The following ANK1 variants were observed in gnomAD, a reference collection of about 807,000 sequenced individuals.
The protein encoded by ANK1 is ankyrin-1.
Under a neutral mutation model 210.4 loss-of-function variants are expected in ANK1, and 51 were observed. The observed-to-expected ratio is 0.24, with a 90% CI of 0.19 to 0.31. The LOEUF (loss-of-function observed/expected upper bound fraction) is 0.31, where lower values mean the gene tolerates loss of function less well. Among genes scored for constraint, ANK1 ranks in the 10% least tolerant of loss-of-function variants. The pLI is 1.00. For missense variants in ANK1, 2,051 were observed against 2,504.4 expected (o/e 0.82, Z 3.86); for synonymous variants, 967 against 1,025.9 (o/e 0.94, Z 1.10).
intron 11 of ANK1, 49 bp downstream of exon 11, chr8:41,718,057 C>CG: frequency 6.4e-7 from 1 of 1,565,102 alleles, no homozygotes; most frequent in Non-Finnish European, 8.8e-7. Flanking sequence ...GAAGGTGGGT[C>CG]GGGGGAGACC....
Position 41,763,881 on chromosome 8 carries a change from C to CTTTT in ANK1, c.28-5748_28-5745dup, listed in dbSNP as rs1554605131. 2.4e-3 allele frequency among the ~76,000 whole-genome samples: 174 copies of CTTTT among 72,006 alleles called. 7 individuals are homozygous for CTTTT. Among genetic ancestry groups the CTTTT allele is most frequent in the Middle Eastern group, 8.5e-3 (1 of 118 alleles). The allele number at this position is 72,006 out of a possible 152,430, so 47.2% of individuals were successfully genotyped here. On this transcript the variant is annotated intron_variant, in intron 1 of 42. Coordinates refer to ENST00000289734, the MANE Select transcript of ANK1 (RefSeq NM_000037.4). The stretch of plus-strand genomic sequence containing the variant: ...TTCTTTCTTTCTTCTTTCTTTTTTT[C>CTTTT]TTTTTTTCTTTTTTTTTTTTTTTTT...
chr8:41,798,193 G>A (rs947333158), upstream of ANK1, among the ~76,000 whole-genome samples: 1 of 151,428 alleles, frequency 6.6e-6, no homozygotes, highest in Non-Finnish European at 1.5e-5. Context: ...CCTTCTGGCC[G>A]GCCCCTCCGC....
At chr8:41,729,654 T>C (rs951107843) in intron 3 of ANK1, among the ~76,000 whole-genome samples, 7 of 152,254 alleles carry the variant, frequency 4.6e-5, no homozygotes, top group African/African-American at 1.4e-4. Context: ...GGCATGGGCC[T>C]GAGAACATGA....
chr8:41,758,286 G>A (rs1318138662), intron 1 of ANK1, 149 bp from the exon 2 acceptor site: 2 of 767,314 alleles, frequency 2.6e-6, no homozygotes, highest in East Asian at 4.9e-5. Flanking sequence ...ACAGGAGCCT[G>A]AGAGCCCCTG....
chr8:41,865,180 G>A (rs530339909), intron 1 of ANK1, among the ~76,000 whole-genome samples: 10 of 152,278 alleles, frequency 6.6e-5, no homozygotes, highest in African/African-American at 1.9e-4. Context: ...CACCCATCTC[G>A]CGAATTGGGA....
chr8:41,788,870 G>T (rs767031487), intron 1 of ANK1: 1 of 152,252 alleles, frequency 6.6e-6, no homozygotes, highest in Admixed American at 6.6e-5. Flanking sequence ...CGTTCAGAAG[G>T]CTCCTCAAAC....
intron 25 of ANK1, 23 bp downstream of exon 25, chr8:41,696,653 C>A: frequency 6.2e-7 from 1 of 1,606,048 alleles, no homozygotes; most frequent in Non-Finnish European, 8.5e-7. Context: ...CAGGAGTCCC[C>A]GAGCCCTGCG....
chr8:41,688,284 G>A lies in ANK1; in HGVS notation c.4184-54C>T, dbSNP rs1304283493. On this transcript the variant is annotated intron_variant, in intron 34 of 42. Transcript: ENST00000289734. ...TAGCCAGGGCAGGACACAGTTGACA[G>A]GCCTGAGGACACGGCCTGTGATGGA... 7 of 1,585,920 alleles carry A rather than the reference G, an allele frequency of 4.4e-6. No homozygotes were observed. The Admixed American group carries it at 1.2e-4, about 26-fold the overall frequency.
intron 9 of ANK1, among the ~76,000 whole-genome samples, chr8:41,720,873 A>G (rs1360036693): frequency 1.3e-5 from 2 of 152,146 alleles, no homozygotes; most frequent in Non-Finnish European, 2.9e-5. Flanking sequence ...ATGCAGTTCG[A>G]CAGTCCGGGG....
At chr8:41,737,128 G>T (rs1056301491) in intron 2 of ANK1, among the ~76,000 whole-genome samples, 5 of 152,158 alleles carry the variant, frequency 3.3e-5, no homozygotes, top group African/African-American at 1.2e-4. Context: ...GAGAAACTCT[G>T]TCTCTACTAA....
chr8:41,712,999 G>A (rs1026091378), intron 16 of ANK1, among the ~76,000 whole-genome samples: 6 of 152,286 alleles, frequency 3.9e-5, no homozygotes, highest in South Asian at 4.1e-4. Flanking sequence ...GTCGGGAGCC[G>A]GCGTCTGTAG....
At chr8:41,894,553 G>A (rs1052414589) in intron 1 of ANK1, among the ~76,000 whole-genome samples, 1 of 152,134 alleles carries the variant, frequency 6.6e-6, no homozygotes, top group Non-Finnish European at 1.5e-5. Flanking sequence ...CACAGGAGAG[G>A]GGGTGGGAGA....
upstream of ANK1, among the ~76,000 whole-genome samples, chr8:41,798,726 G>C (rs375164377): frequency 3.9e-5 from 6 of 152,130 alleles, no homozygotes; most frequent in African/African-American, 1.4e-4. Flanking sequence ...CATTAAGGTG[G>C]GGGCTGTCTC....
intron 16 of ANK1, among the ~76,000 whole-genome samples, chr8:41,713,311 G>T (rs911708639): frequency 6.6e-6 from 1 of 152,096 alleles, no homozygotes; most frequent in African/African-American, 2.4e-5. Context: ...CCTTCTCCCC[G>T]CTGGCCACCA....
chr8:41,872,733 A>C (rs879314912), intron 1 of ANK1, among the ~76,000 whole-genome samples: 8 of 152,218 alleles, frequency 5.3e-5, no homozygotes, highest in Non-Finnish European at 1.0e-4. Context: ...ATACCTTCAG[A>C]AAGACTCAGT....
intron 4 of ANK1, among the ~76,000 whole-genome samples, chr8:41,727,549 G>C (rs1355646563): frequency 3.3e-5 from 5 of 152,040 alleles, no homozygotes; most frequent in Non-Finnish European, 7.3e-5. Context: ...GCCTCCCCTC[G>C]CCACCGTAGG....
At chr8:41,833,720 G>A (rs766679119) in intron 1 of ANK1, among the ~76,000 whole-genome samples, 5 of 152,286 alleles carry the variant, frequency 3.3e-5, no homozygotes, top group East Asian at 1.9e-4. Flanking sequence ...ACTGTGTTCC[G>A]GGCTCTGTGT....
At chr8:41,761,317 A>G (rs1419237959) in intron 1 of ANK1, among the ~76,000 whole-genome samples, 2 of 151,998 alleles carry the variant, frequency 1.3e-5, no homozygotes, top group African/African-American at 4.8e-5. Context: ...ACGCACACAC[A>G]TGCACAGATA....
intron 1 of ANK1, among the ~76,000 whole-genome samples, chr8:41,815,801 TA>T (rs1369457867): frequency 1.3e-5 from 2 of 152,188 alleles, no homozygotes; most frequent in Non-Finnish European, 2.9e-5. Context: ...TTTCTAGAAA[TA>T]TATGCTTCCT....
Sources: gnomAD v4.1 joint callset for allele counts (sites outside exome capture counted in the v4.1 genomes callset) on GRCh38, gnomAD v4.1.1 for gene constraint, MANE v1.5 for transcripts, NCBI Gene and HGNC (gene_info 2026-07-23, HGNC 2026-07-21) for gene names.